Variants in DNAH10 observed in about 807,000 individuals in gnomAD.
DNAH10 encodes axonemal beta dynein heavy chain 10.
DNAH10 carries 348 observed loss-of-function variants against 506.6 expected under a neutral mutation model. That is an observed-to-expected ratio of 0.69 (90% confidence interval 0.63 to 0.75). The LOEUF is 0.75. Among genes scored for constraint, DNAH10 ranks in the 30% least tolerant of loss-of-function variants. The pLI, the probability that DNAH10 is intolerant of heterozygous loss-of-function variation, is 0.00. For missense variants in DNAH10, 5,179 were observed against 5,787.1 expected (o/e 0.89, Z 3.41); for synonymous variants, 2,059 against 2,198.6 (o/e 0.94, Z 1.78).
chr12:123,912,437 G>T (rs1189027824), intron 59 of DNAH10, among the ~76,000 whole-genome samples: 1 of 65,430 alleles, frequency 1.5e-5, no homozygotes, highest in African/African-American at 7.5e-5. Flanking sequence ...TCCCGCAGGG[G>T]GTCTGTCCTG....
chr12:123,927,110 A>G (rs747116813), intron 69 of DNAH10: 5 of 396,582 alleles, frequency 1.3e-5, no homozygotes, highest in Non-Finnish European at 4.5e-6. Context: ...TGGTGCGAAC[A>G]TAGCTCACTG....
At chr12:123,773,876 CCAG>C (rs775676722) in intron 4 of DNAH10, among the ~76,000 whole-genome samples, 4 of 152,326 alleles carry the variant, frequency 2.6e-5, no homozygotes, top group South Asian at 4.1e-4. Context: ...CTGATTTTGT[CCAG>C]CGTTAGATAC....
chr12:123,823,172 AC>A (rs1191865386), intron 24 of DNAH10, among the ~76,000 whole-genome samples: 1 of 152,228 alleles, frequency 6.6e-6, no homozygotes, highest in Admixed American at 6.5e-5. Flanking sequence ...CTGGTGCAGA[AC>A]AAGGCTTTCC....
intron 18 of DNAH10, among the ~76,000 whole-genome samples, chr12:123,806,689 A>T (rs564842567): frequency 6.6e-6 from 1 of 151,376 alleles, no homozygotes; most frequent in East Asian, 1.9e-4. Context: ...ATTCTCTGTT[A>T]CTACTTTTAA....
chr12:123,818,375 G>A (rs2136395956), intron 21 of DNAH10, among the ~76,000 whole-genome samples: 1 of 152,142 alleles, frequency 6.6e-6, no homozygotes, highest in South Asian at 2.1e-4. Flanking sequence ...CGAGGTTGGA[G>A]TGCAGTGGTG....
intron 19 of DNAH10, among the ~76,000 whole-genome samples, chr12:123,809,578 G>T (rs1958846764): frequency 6.6e-6 from 1 of 152,118 alleles, no homozygotes; most frequent in Non-Finnish European, 1.5e-5. Context: ...GAGCCCAGGA[G>T]TTCAAGGGTA....
intron 15 of DNAH10, 46 bp from the exon 16 acceptor site, chr12:123,801,235 C>T (rs891446750): frequency 6.3e-7 from 1 of 1,586,966 alleles, no homozygotes; most frequent in Non-Finnish European, 8.6e-7. Flanking sequence ...TTTTGATGAG[C>T]TTAAAGGTGC....
intron 77 of DNAH10, chr12:123,934,234 C>T: frequency 1.4e-6 from 1 of 701,302 alleles, no homozygotes; most frequent in South Asian, 1.5e-5. Context: ...GCTCCCCAGC[C>T]ACTTCGGCTC....
intron 40 of DNAH10, 107 bp from the exon 41 acceptor site, chr12:123,865,844 T>G: frequency 1.7e-6 from 2 of 1,168,926 alleles, no homozygotes; most frequent in Admixed American, 2.9e-5. Context: ...TTTGGTATTA[T>G]TTGGATTTCA....
intron 41 of DNAH10, among the ~76,000 whole-genome samples, 156 bp downstream of exon 41, chr12:123,866,229 CTTTTTTTTTTTTTTTTTT>C (rs71088963): frequency 3.4e-5 from 2 of 58,208 alleles, no homozygotes; most frequent in African/African-American, 7.5e-5. Context: ...GGCAGACACA[CTTTTTTTTTTTTTTTTTT>C]TTTTTTTTTT....
In DNAH10 at chr12:123,781,128, G is replaced by A. The variant is rs778189912; in HGVS notation, c.670G>A (p.Val224Met). Residue 224 changes from valine (V) to methionine (M), a missense_variant, in exon 6 of 79, where the codon GTG becomes ATG. By Grantham distance (21) the Val-to-Met change is conservative. Coordinates refer to ENST00000673944, the MANE Select transcript of DNAH10 (RefSeq NM_001372106.1). ...CAATCAGCACAGGACGAGTACAACC[G>A]TGGGAGTCACATCTGGAGAAGTCTC... ...SFNQHRTSTT[V>M]GVTSGEVSNS... The A allele has an allele frequency of 4.5e-5, 72 of 1,613,806 alleles. No individual in the cohort carries two copies. Among genetic ancestry groups the A allele is most frequent in the South Asian group, 1.1e-4 (10 of 91,072 alleles).
Position 123,867,621 on chromosome 12 carries a change from G to A in DNAH10, c.7302+20G>A, listed in dbSNP as rs374072341. 570 of 1,611,114 alleles carry A rather than the reference G, an allele frequency of 3.5e-4. No individual in the cohort carries two copies. The highest frequency in any genetic ancestry group is 4.5e-4 in the Non-Finnish European group (529 of 1,179,150). ...AATATGGTAAGAAATGATCCCTGCT[G>A]TTAGCAAAAAGAAATTCTTTCCTAA... On this transcript the variant is annotated intron_variant, in intron 42 of 78. Coordinates refer to ENST00000673944, the MANE Select transcript of DNAH10 (RefSeq NM_001372106.1).
At chr12:123,822,957 C>G (rs1346063251) in intron 24 of DNAH10, among the ~76,000 whole-genome samples, 2 of 152,232 alleles carry the variant, frequency 1.3e-5, no homozygotes, top group African/African-American at 2.4e-5. Context: ...GTATCTCTCA[C>G]AAAACACCAG....
intron 44 of DNAH10, among the ~76,000 whole-genome samples, chr12:123,871,013 A>G (rs1952009707): frequency 6.6e-6 from 1 of 152,062 alleles, no homozygotes; most frequent in Non-Finnish European, 1.5e-5. Flanking sequence ...TGGTCCATTG[A>G]GCTTACGGAG....
intron 12 of DNAH10, among the ~76,000 whole-genome samples, chr12:123,796,216 G>A (rs1431746336): frequency 6.6e-6 from 1 of 152,094 alleles, no homozygotes; most frequent in African/African-American, 2.4e-5. Flanking sequence ...CAGCACTTTG[G>A]GACCCTGAGG....
chr12:123,800,283 C>A lies in DNAH10; in HGVS notation c.2357C>A (p.Pro786Gln). 6.2e-7 allele frequency: 1 copy of A among 1,613,972 alleles called. No individual in the cohort carries two copies. The highest frequency in any genetic ancestry group is 8.5e-7 in the Non-Finnish European group (1 of 1,179,974). The change falls in exon 15 of 79, where the codon CCG becomes CAG. Residue 786 changes from proline (P) to glutamine (Q), a missense_variant. By Grantham distance (76) the Pro-to-Gln change is moderately conservative. Transcript: ENST00000673944. The part of the protein sequence containing the change: ...RGAVFAINFS[P>Q]ALREIINETK... ...GCTGTTTTTGCAATCAACTTTTCAC[C>A]GGCTCTCAGAGAGATTATTAATGAA...
chr12:123,914,789 C>A, intron 61 of DNAH10, 63 bp from the exon 62 acceptor site: 1 of 1,575,422 alleles, frequency 6.3e-7, no homozygotes, highest in South Asian at 1.2e-5. Context: ...AGTCCTACCA[C>A]CCTTAGCCCT....
chr12:123,763,350 G>A (rs1253991997), intron 1 of DNAH10, among the ~76,000 whole-genome samples: 1 of 151,826 alleles, frequency 6.6e-6, no homozygotes, highest in Non-Finnish European at 1.5e-5. Flanking sequence ...CTGGGACCTC[G>A]AAAGCCGCCT....
Position 123,909,051 on chromosome 12 carries a change from C to T in DNAH10, c.9816-210C>T, listed in dbSNP as rs1399125855. ...CCCCGCACCATTCCAGGCGCCTGGT[C>T]TGGAACCTGAGAGGGGGACCCGGCC... On this transcript the variant is annotated intron_variant, in intron 57 of 78. Coordinates refer to ENST00000673944, the MANE Select transcript of DNAH10 (RefSeq NM_001372106.1). This position sits in a 1 kb window ranked among gnomAD's most constrained non-coding sequence, Gnocchi z 5.4. Among the ~76,000 whole-genome samples, 1 of 152,168 alleles carries T rather than the reference C, an allele frequency of 6.6e-6. No homozygotes were observed. The highest frequency in any genetic ancestry group is 1.5e-5 in the Non-Finnish European group (1 of 68,028).
Sources: allele counts gnomAD v4.1 joint callset (sites outside exome capture counted in the v4.1 genomes callset), GRCh38; gene constraint gnomAD v4.1.1; non-coding constraint Gnocchi (gnomAD v3.1); transcripts MANE v1.5; gene names NCBI Gene and HGNC (gene_info 2026-07-23, HGNC 2026-07-21).